Variants in RPH3A observed in about 807,000 individuals in gnomAD.
RPH3A encodes rabphilin-3A.
A neutral mutation model predicts 102.2 loss-of-function variants in RPH3A; 48 were observed. That is an observed-to-expected ratio of 0.47 (90% CI 0.37 to 0.60). RPH3A has a LOEUF of 0.60. RPH3A is among the 20% of genes least tolerant of loss of function. The pLI, the probability that RPH3A is intolerant of heterozygous loss-of-function variation, is 0.00. For synonymous variants in RPH3A, 310 were observed against 324.3 expected (o/e 0.96, Z 0.47); for missense variants, 781 against 910.1 (o/e 0.86, Z 1.83).
At chr12:112,677,343 TTCCCTTCCTCCCTCCCTCCC>T (rs2040183366) in intron 1 of RPH3A, among the ~76,000 whole-genome samples, 3 of 65,042 alleles carry the variant, frequency 4.6e-5, no homozygotes, top group Non-Finnish European at 9.6e-5. Context: ...CCCTCCCTCC[TTCCCTTCCTCCCTCCCTCCC>T]TCCCTCCTTC....
intron 2 of RPH3A, among the ~76,000 whole-genome samples, chr12:112,824,216 T>C (rs1033269450): frequency 6.6e-6 from 1 of 152,204 alleles, no homozygotes; most frequent in African/African-American, 2.4e-5. Context: ...TGGAGTGTGA[T>C]GGCAGCACAC....
At chr12:112,704,023 G>T (rs1359539760) in intron 1 of RPH3A, among the ~76,000 whole-genome samples, 1 of 151,930 alleles carries the variant, frequency 6.6e-6, no homozygotes, top group African/African-American at 2.4e-5. Context: ...GAAGGGAAAG[G>T]CATACAGTTT....
chr12:112,677,379 C>T (rs1336542839), intron 1 of RPH3A, among the ~76,000 whole-genome samples: 17 of 46,724 alleles, frequency 3.6e-4, no homozygotes, highest in African/African-American at 6.0e-4. Flanking sequence ...CCTTCCCTTC[C>T]TCCCTCCCTC....
chr12:112,653,729 C>G (rs1219504656), intron 1 of RPH3A, among the ~76,000 whole-genome samples: 2 of 152,080 alleles, frequency 1.3e-5, no homozygotes, highest in African/African-American at 4.8e-5. Context: ...GGTATTAAGC[C>G]TAGTGCCCAA....
At chr12:112,648,639 A>C (rs2039951582) in intron 1 of RPH3A, among the ~76,000 whole-genome samples, 1 of 140,914 alleles carries the variant, frequency 7.1e-6, no homozygotes, top group Admixed American at 7.7e-5. Flanking sequence ...CAGCTACTCA[A>C]AAGGCTGAGG....
Position 112,894,595 on chromosome 12 carries a change from T to C in RPH3A, c.1793T>C (p.Met598Thr). 2 of 1,613,814 alleles carry C rather than the reference T, an allele frequency of 1.2e-6. No individual in the cohort carries two copies. Among genetic ancestry groups the C allele is most frequent in the Non-Finnish European group, 8.5e-7 (1 of 1,179,918 alleles). ...CCTCCCAGCTGGCTGAAACCGGACA[T>C]GGGAAAGAAGGCCAAACACAAGACT... is the stretch of plus-strand genomic sequence containing the variant. ...PFVKLWLKPD[M>T]GKKAKHKTQI... Residue 598 changes from methionine (M) to threonine (T), a missense_variant, in exon 20 of 22, where the codon ATG (methionine) becomes ACG (threonine). Transcript: ENST00000389385.
chr12:112,632,421 G>C (rs773360730), intron 1 of RPH3A, among the ~76,000 whole-genome samples: 1 of 152,104 alleles, frequency 6.6e-6, no homozygotes, highest in Non-Finnish European at 1.5e-5. Flanking sequence ...GCGTTATTCA[G>C]CTCCCTTTTA....
intron 1 of RPH3A, among the ~76,000 whole-genome samples, chr12:112,615,278 C>A (rs1261725088): frequency 6.6e-6 from 1 of 152,020 alleles, no homozygotes; most frequent in African/African-American, 2.4e-5. Context: ...AAACTACAGA[C>A]CTGTTGTGTG....
At chr12:112,640,058 C>T (rs992329732) in intron 1 of RPH3A, among the ~76,000 whole-genome samples, 9 of 149,612 alleles carry the variant, frequency 6.0e-5, no homozygotes, top group African/African-American at 1.7e-4. Flanking sequence ...TGGCAGCTCA[C>T]GCCTGTAATC....
chr12:112,835,457 A>C (rs2042033954), intron 3 of RPH3A, among the ~76,000 whole-genome samples: 1 of 152,256 alleles, frequency 6.6e-6, no homozygotes, highest in Non-Finnish European at 1.5e-5. Context: ...CAATTAAATT[A>C]AAATTATCCA....
intron 7 of RPH3A, 121 bp downstream of exon 7, chr12:112,866,961 T>C (rs2042622147): frequency 1.4e-6 from 1 of 690,326 alleles, no homozygotes; most frequent in Non-Finnish European, 2.5e-6. Flanking sequence ...CAGAACAACC[T>C]CAGAGTATTT....
At chr12:112,860,916 G>A (rs1015996987) in intron 5 of RPH3A, among the ~76,000 whole-genome samples, 3 of 152,272 alleles carry the variant, frequency 2.0e-5, no homozygotes, top group African/African-American at 7.2e-5. Context: ...AGCCCACTTC[G>A]TTGTCTCATA....
intron 1 of RPH3A, among the ~76,000 whole-genome samples, chr12:112,732,069 CA>C (rs989833013): frequency 2.6e-5 from 4 of 152,292 alleles, no homozygotes; most frequent in African/African-American, 9.6e-5. Flanking sequence ...TGACTTCTTT[CA>C]AAATGACCTT....
intron 1 of RPH3A, among the ~76,000 whole-genome samples, chr12:112,682,684 G>A (rs1362495255): frequency 6.6e-6 from 1 of 152,160 alleles, no homozygotes; most frequent in Non-Finnish European, 1.5e-5. Context: ...AGATGGGGGA[G>A]CCACACTTTG....
chr12:112,619,747 A>ATATTT, intron 1 of RPH3A, among the ~76,000 whole-genome samples: 1 of 152,018 alleles, frequency 6.6e-6, no homozygotes, highest in Non-Finnish European at 1.5e-5. Context: ...GTGAGTATGA[A>ATATTT]GTCTGATTTG....
intron 1 of RPH3A, among the ~76,000 whole-genome samples, chr12:112,695,359 G>A (rs982439400): frequency 2.6e-5 from 4 of 151,930 alleles, no homozygotes; most frequent in African/African-American, 9.7e-5. Context: ...TTTGAAGGAG[G>A]AAAAAAAGAA....
chr12:112,625,086 C>T (rs200115836), intron 1 of RPH3A, among the ~76,000 whole-genome samples: 3,428 of 109,832 alleles, frequency 0.031, 114 homozygotes, highest in African/African-American at 0.096. Context: ...TATGACAAAC[C>T]CACAGCCAAT....
chr12:112,637,958 T>C (rs1429891333), intron 1 of RPH3A, among the ~76,000 whole-genome samples: 2 of 151,370 alleles, frequency 1.3e-5, no homozygotes, highest in Non-Finnish European at 2.9e-5. Context: ...TCTGCTACAG[T>C]TTGGATGTGT....
At chr12:112,789,247 G>C (rs77068670), upstream of RPH3A, among the ~76,000 whole-genome samples, 968 of 152,298 alleles carry the variant, frequency 6.4e-3, 14 homozygotes, top group African/African-American at 0.022. Flanking sequence ...CATCTGAAAG[G>C]CTTGCATTCT....
Sources: allele counts gnomAD v4.1 joint callset (sites outside exome capture counted in the v4.1 genomes callset), GRCh38; gene constraint gnomAD v4.1.1; transcripts MANE v1.5; gene names NCBI Gene and HGNC (gene_info 2026-07-23, HGNC 2026-07-21).